The following NAV3 variants were observed in gnomAD, a reference collection of about 807,000 sequenced individuals.
The protein encoded by NAV3 is neuron navigator 3.
Under a neutral mutation model 244.7 loss-of-function variants are expected in NAV3, and 87 were observed. That is an observed-to-expected ratio of 0.36 (90% confidence interval 0.30 to 0.42). The LOEUF (loss-of-function observed/expected upper bound fraction) is 0.42. Among genes scored for constraint, NAV3 ranks in the 20% least tolerant of loss-of-function variants. The pLI is 1.00. For missense variants in NAV3, 2,663 were observed against 2,893.3 expected, an observed-to-expected ratio of 0.92 and a Z score of 1.83; for synonymous variants, 1,126 against 1,042.2, an observed-to-expected ratio of 1.08 and a Z score of -1.55.
intron 1 of NAV3, among the ~76,000 whole-genome samples, chr12:77,865,875 TAA>T (rs1404511952): frequency 6.6e-6 from 1 of 151,840 alleles, no homozygotes; most frequent in Non-Finnish European, 1.5e-5. Context: ...CTGTTTTTCC[TAA>T]GATTTGTGAT....
In NAV3 at chr12:78,006,820, A is replaced by C. The variant is rs775044959; in HGVS notation, c.1282A>C (p.Ser428Arg). 1.2e-6 allele frequency: 2 copies of C among 1,614,054 alleles called. No individual in the cohort carries two copies. The highest frequency in any genetic ancestry group is 8.5e-7 in the Non-Finnish European group (1 of 1,180,042). The part of the protein sequence containing the change: ...SESGEMEGFN[S>R]GLNSGGSTNS... The stretch of plus-strand genomic sequence containing the variant: ...ATCTGGTGAAATGGAAGGTTTTAAC[A>C]GTGGTCTGAATAGTGGTGGCTCAAC... Residue 428 changes from serine (S) to arginine (R), a missense_variant, in exon 8 of 40, where the codon AGT becomes CGT. Transcript: ENST00000397909.
intron 18 of NAV3, among the ~76,000 whole-genome samples, chr12:78,132,536 A>G (rs1956209636): frequency 1.3e-5 from 2 of 152,154 alleles, no homozygotes; most frequent in South Asian, 4.1e-4. Flanking sequence ...TGTATCATTT[A>G]TTGTAGACAC....
chr12:78,084,721 C>T (rs1048328764), intron 12 of NAV3, among the ~76,000 whole-genome samples: 2 of 152,224 alleles, frequency 1.3e-5, no homozygotes, highest in Middle Eastern at 3.4e-3. Flanking sequence ...CCCCATCACT[C>T]TTCTAAAACT....
At chr12:78,149,058 C>T (rs750837410) in intron 22 of NAV3, 139 bp downstream of exon 22, 2 of 688,572 alleles carry the variant, frequency 2.9e-6, no homozygotes, top group African/African-American at 1.8e-5. Flanking sequence ...AAAAAGTTAA[C>T]ATTTTTTGCC....
In NAV3 at chr12:78,146,943, T is replaced by C. The variant is rs74107131; in HGVS notation, c.4707+551T>C. Among the ~76,000 whole-genome samples, 439 of 152,240 alleles carry C rather than the reference T, an allele frequency of 2.9e-3. 3 individuals carry two copies. The highest frequency in any genetic ancestry group is 9.7e-3 in the African/African-American group (402 of 41,578). Reference sequence around the variant, plus strand: ...TCAAACTGCATTCAGGAAAGAATACTATTTTAATTTCCCTTGGTAAAACAT... The same window carrying C: ...TCAAACTGCATTCAGGAAAGAATACCATTTTAATTTCCCTTGGTAAAACAT... On this transcript the variant is annotated intron_variant, in intron 21 of 39. Transcript: ENST00000397909.
At chr12:77,987,506 C>T (rs1017257844) in intron 5 of NAV3, among the ~76,000 whole-genome samples, 4 of 152,080 alleles carry the variant, frequency 2.6e-5, no homozygotes, top group African/African-American at 9.7e-5. Context: ...CTTTAACATA[C>T]TTCTGATAAT....
Position 77,776,294 on chromosome 12 carries a change from A to T in NAV3, c.73-164025A>T, listed in dbSNP as rs117690679. Among the ~76,000 whole-genome samples the T allele has an allele frequency of 3.2e-3, 486 of 152,358 alleles. 9 individuals are homozygous for T. In the East Asian group the frequency reaches 0.039, roughly 12 times the overall value. Reference sequence around the variant, plus strand: ...TTACATAAAAGGAAGACAAGACCATATAAGATAGATATATCCCACATGAAA... The same window carrying T: ...TTACATAAAAGGAAGACAAGACCATTTAAGATAGATATATCCCACATGAAA... On this transcript the variant is annotated intron_variant, in intron 2 of 8. Coordinates refer to the NAV3 transcript ENST00000550042.
At position 78,072,968 on chromosome 12, in the gene NAV3, C is replaced by T. The variant is rs1952854622; in HGVS notation, c.2636+13853C>T. Among the ~76,000 whole-genome samples the T allele has an allele frequency of 2.8e-5, 4 of 144,340 alleles. No individual in the cohort carries two copies. In the South Asian group the frequency reaches 7.4e-4, roughly 27 times the overall value. 94.7% of individuals were successfully genotyped at this position (144,340 alleles called of 152,430 possible). ...TTATCTCACTAGATGCAGAAAAAGCCTTTGACAAAATTCAACAACACTTCA... is the reference window on the plus strand; with the variant it reads ...TTATCTCACTAGATGCAGAAAAAGCTTTTGACAAAATTCAACAACACTTCA... On this transcript the variant is annotated intron_variant, in intron 12 of 39. Coordinates refer to ENST00000397909, the MANE Select transcript of NAV3 (RefSeq NM_001024383.2).
At chr12:77,919,892 G>A (rs1887538885) in intron 1 of NAV3, among the ~76,000 whole-genome samples, 1 of 151,898 alleles carries the variant, frequency 6.6e-6, no homozygotes, top group African/African-American at 2.4e-5. Flanking sequence ...TTGTCACTGT[G>A]GGAGCTCTGA....
At chr12:78,039,127 C>G (rs1880418454) in intron 9 of NAV3, among the ~76,000 whole-genome samples, 2 of 152,070 alleles carry the variant, frequency 1.3e-5, no homozygotes, top group Non-Finnish European at 2.9e-5. Context: ...ATTCAAATAG[C>G]TGTGATATGA....
At chr12:77,715,759 C>G (rs912487056) in intron 2 of NAV3, among the ~76,000 whole-genome samples, 1 of 151,948 alleles carries the variant, frequency 6.6e-6, no homozygotes, top group Non-Finnish European at 1.5e-5. Flanking sequence ...CTGATTTGGT[C>G]ATTTTTTTAC....
chr12:77,995,326 C>A (rs2136409265), intron 6 of NAV3, among the ~76,000 whole-genome samples: 1 of 152,192 alleles, frequency 6.6e-6, no homozygotes, highest in East Asian at 1.9e-4. Flanking sequence ...GTTCTTCTAT[C>A]TATAATAGTT....
At chr12:77,716,320 A>T (rs1260708611) in intron 2 of NAV3, among the ~76,000 whole-genome samples, 1 of 151,646 alleles carries the variant, frequency 6.6e-6, no homozygotes, top group Non-Finnish European at 1.5e-5. Context: ...TATTTGTTAC[A>T]CTGCACTTGT....
chr12:77,925,447 A>G (rs1329705856), intron 1 of NAV3, among the ~76,000 whole-genome samples: 1 of 152,168 alleles, frequency 6.6e-6, no homozygotes, highest in East Asian at 1.9e-4. Context: ...AATAATTTGT[A>G]AGAGATTCAA....
In NAV3 at chr12:77,716,275, C is replaced by A. The variant is rs970795037; in HGVS notation, c.72+144009C>A. Among the ~76,000 whole-genome samples, 123 of 149,856 alleles carry A rather than the reference C, an allele frequency of 8.2e-4. 1 individual carries two copies. The highest frequency in any genetic ancestry group is 3.0e-3 in the African/African-American group (118 of 39,980). ...AATTACATGTCCAGAAAAGTAATAG[C>A]AAGTTTTTTTTTTTCCTTTGGTATT... is the stretch of plus-strand genomic sequence containing the variant. On this transcript the variant is annotated intron_variant, in intron 2 of 8. Transcript: ENST00000550042.
intron 2 of NAV3, among the ~76,000 whole-genome samples, chr12:77,615,806 A>C (rs767159939): frequency 2.0e-5 from 3 of 152,146 alleles, no homozygotes; most frequent in African/African-American, 7.2e-5. Flanking sequence ...GGGCACAGAC[A>C]AATTTAATTT....
chr12:78,185,639 A>G lies in NAV3; in HGVS notation c.5731A>G (p.Lys1911Glu), dbSNP rs1483225922. Residue 1911 changes from lysine to glutamate, a missense_variant, in exon 31 of 40, where the codon AAA (lysine) becomes GAA (glutamate). Lys to Glu is a moderately conservative substitution (Grantham distance 56). Transcript: ENST00000397909. ...LDDAGDATGH[K>E]DGRSVKIIVS... is the part of the protein sequence containing the mutation. ...TGATGCTGGTGATGCAACTGGACAT[A>G]AAGATGGCCGCAGTGTGAAAATTAT... 6.2e-7 allele frequency: 1 copy of G among 1,608,598 alleles called. No individual in the cohort carries two copies. The highest frequency in any genetic ancestry group is 1.3e-5 in the African/African-American group (1 of 74,826).
chr12:78,206,296 G>A lies in NAV3; in HGVS notation c.7038+1158G>A, dbSNP rs546335550. Reference sequence around the variant, plus strand: ...GGCCTTTTAGATGATTCATAGTTAGGAATCAACAGTGCTGATGAAATTGGT... The same window carrying A: ...GGCCTTTTAGATGATTCATAGTTAGAAATCAACAGTGCTGATGAAATTGGT... On this transcript the variant is annotated intron_variant, in intron 39 of 39. Transcript: ENST00000397909. Among the ~76,000 whole-genome samples the A allele has an allele frequency of 2.0e-5, 3 of 152,118 alleles. No homozygotes were observed. In the South Asian group the frequency reaches 6.2e-4, roughly 32 times the overall value.
intron 1 of NAV3, among the ~76,000 whole-genome samples, chr12:77,859,758 C>CAAAAAAAA (rs61516625): frequency 1.3e-3 from 87 of 68,668 alleles, no homozygotes; most frequent in East Asian, 3.8e-3. Flanking sequence ...CTTTCAAATG[C>CAAAAAAAA]AAAAAAAAAA....
Sources: gnomAD v4.1 joint callset for allele counts (sites outside exome capture counted in the v4.1 genomes callset) on GRCh38, gnomAD v4.1.1 for gene constraint, MANE v1.5 for transcripts, NCBI Gene and HGNC (gene_info 2026-07-23, HGNC 2026-07-21) for gene names.